SNTG1: variants seen among roughly 807,000 people sequenced by gnomAD.
SNTG1 encodes the protein syntrophin gamma 1, also known as gamma-1-syntrophin.
Under a neutral mutation model 74.7 loss-of-function variants are expected in SNTG1, and 39 were observed. The ratio of observed to expected loss-of-function variants is 0.52; its 90% CI spans 0.40 to 0.68. The LOEUF is 0.68. SNTG1 is among the 30% of genes least tolerant of loss of function. The probability of loss-of-function intolerance (pLI) is 0.00; values close to 1 mark genes in which losing one functional copy is unlikely to be tolerated. For missense variants in SNTG1, 685 were observed against 609.5 expected (o/e 1.12, Z -1.30); for synonymous variants, 254 against 217.1 (o/e 1.17, Z -1.49).
At chr8:50,092,597 C>G (rs2079780194) in intron 1 of SNTG1, among the ~76,000 whole-genome samples, 1 of 152,160 alleles carries the variant, frequency 6.6e-6, no homozygotes, top group Non-Finnish European at 1.5e-5. Context: ...TAGGACACTT[C>G]CACCCCATTT....
At chr8:50,138,123 A>G (rs1163950701) in intron 1 of SNTG1, among the ~76,000 whole-genome samples, 1 of 152,156 alleles carries the variant, frequency 6.6e-6, no homozygotes, top group Non-Finnish European at 1.5e-5. Flanking sequence ...TGACTTCATA[A>G]TAACCTTAAA....
At chr8:50,470,958 T>C (rs994791165) in intron 8 of SNTG1, among the ~76,000 whole-genome samples, 13 of 152,200 alleles carry the variant, frequency 8.5e-5, no homozygotes, top group African/African-American at 2.7e-4. Context: ...GATTGGTTCA[T>C]ATTTACAGAG....
chr8:49,919,702 G>T (rs1806360286), intron 1 of SNTG1, among the ~76,000 whole-genome samples: 1 of 151,966 alleles, frequency 6.6e-6, no homozygotes, highest in South Asian at 2.1e-4. Flanking sequence ...AATCATTGGG[G>T]ATAAAAAAAT....
intron 8 of SNTG1, among the ~76,000 whole-genome samples, chr8:50,474,159 G>T (rs569235950): frequency 1.1e-4 from 16 of 152,078 alleles, no homozygotes; most frequent in African/African-American, 3.9e-4. Flanking sequence ...CAGGACATAG[G>T]CATGGGCAAG....
intron 1 of SNTG1, among the ~76,000 whole-genome samples, chr8:49,939,372 A>C (rs746308556): frequency 1.2e-4 from 18 of 152,234 alleles, no homozygotes; most frequent in Non-Finnish European, 2.4e-4. Flanking sequence ...GCCAATAAAT[A>C]GTTTAATTGA....
intron 1 of SNTG1, among the ~76,000 whole-genome samples, chr8:49,937,406 G>A (rs779032491): frequency 1.3e-5 from 2 of 152,108 alleles, no homozygotes; most frequent in Non-Finnish European, 2.9e-5. Context: ...CAATGGTTTC[G>A]AACTATACAC....
intron 1 of SNTG1, among the ~76,000 whole-genome samples, chr8:50,077,748 A>G (rs993162478): frequency 5.3e-5 from 8 of 152,172 alleles, no homozygotes; most frequent in Non-Finnish European, 1.2e-4. Context: ...TGCTTCCAAC[A>G]CCAGTTATTT....
At chr8:50,422,798 CAG>C (rs2093110334) in intron 4 of SNTG1, among the ~76,000 whole-genome samples, 1 of 152,142 alleles carries the variant, frequency 6.6e-6, no homozygotes, top group South Asian at 2.1e-4. Flanking sequence ...GAATGGCTAG[CAG>C]TTGTGTATGT....
intron 1 of SNTG1, among the ~76,000 whole-genome samples, chr8:49,986,593 G>T (rs1010484895): frequency 2.0e-5 from 3 of 151,976 alleles, no homozygotes; most frequent in African/African-American, 7.2e-5. Context: ...AGTGGTTCAT[G>T]CCTGTAATGT....
At chr8:50,164,981 G>A (rs774643266) in intron 1 of SNTG1, among the ~76,000 whole-genome samples, 1 of 152,042 alleles carries the variant, frequency 6.6e-6, no homozygotes, top group Non-Finnish European at 1.5e-5. Flanking sequence ...CATAAATTAA[G>A]ACAATAGTGA....
chr8:50,140,199 TC>T, intron 1 of SNTG1, among the ~76,000 whole-genome samples: 1 of 152,268 alleles, frequency 6.6e-6, no homozygotes, highest in Non-Finnish European at 1.5e-5. Context: ...GAGACAGAAA[TC>T]TAACATTTAA....
At chr8:50,627,897 A>G (rs1292076471) in intron 13 of SNTG1, among the ~76,000 whole-genome samples, 3 of 152,116 alleles carry the variant, frequency 2.0e-5, no homozygotes, top group Non-Finnish European at 4.4e-5. Context: ...TCTTATGGAG[A>G]CTGCATTACA....
At chr8:50,269,023 A>G (rs1008484127) in intron 2 of SNTG1, among the ~76,000 whole-genome samples, 2 of 152,162 alleles carry the variant, frequency 1.3e-5, no homozygotes, top group South Asian at 4.1e-4. Flanking sequence ...TCACCAAATG[A>G]TATTTGAGCA....
chr8:50,777,375 C>T (rs957578920), intron 18 of SNTG1, among the ~76,000 whole-genome samples: 21 of 150,338 alleles, frequency 1.4e-4, no homozygotes, highest in African/African-American at 5.1e-4. Flanking sequence ...ACTGACTCTT[C>T]TGTTCTCTTC....
Position 50,463,257 on chromosome 8 carries a change from C to T in SNTG1, c.363+12528C>T, listed in dbSNP as rs2093582600. On this transcript the variant is annotated intron_variant, in intron 8 of 18. Coordinates refer to ENST00000642720, the MANE Select transcript of SNTG1 (RefSeq NM_018967.5). Reference sequence around the variant, plus strand: ...ACTCCTGTTAATGTTGATATTTTGGCCTCACCCATAAAACAGAAATGTTTT... The same window carrying T: ...ACTCCTGTTAATGTTGATATTTTGGTCTCACCCATAAAACAGAAATGTTTT... Among the ~76,000 whole-genome samples the T allele has an allele frequency of 2.0e-5, 3 of 152,094 alleles. No individual in the cohort carries two copies. In the South Asian group the frequency reaches 6.2e-4, roughly 32 times the overall value.
At chr8:50,499,567 G>A (rs1359272210) in intron 8 of SNTG1, among the ~76,000 whole-genome samples, 3 of 151,052 alleles carry the variant, frequency 2.0e-5, no homozygotes. Context: ...TGGAAATGTT[G>A]ACTAAAAGTA....
rs927727411 is a variant in SNTG1 at position 50,794,595 on chromosome 8, A to G, written c.*1766A>G. ...ATACAACAGTCATTGTAAAATTGAA[A>G]CCCACCAAAAGCAGCCTTCAGTAGT... On this transcript the variant is annotated 3_prime_UTR_variant, in exon 19 of 19. Transcript: ENST00000642720. 1 of 152,018 alleles carries G rather than the reference A, an allele frequency of 6.6e-6. No individual in the cohort carries two copies. Among genetic ancestry groups the G allele is most frequent in the Admixed American group, 6.6e-5 (1 of 15,224 alleles). The allele number at this position is 152,018 out of a possible 1,614,324, so 9.4% of individuals were successfully genotyped here.
intron 1 of SNTG1, among the ~76,000 whole-genome samples, chr8:50,060,038 T>C (rs1162823727): frequency 1.3e-5 from 2 of 152,084 alleles, no homozygotes; most frequent in Non-Finnish European, 2.9e-5. Context: ...ACAGATATCA[T>C]AGTGGGTGTG....
At chr8:50,433,409 T>G (rs1211059114) in intron 4 of SNTG1, among the ~76,000 whole-genome samples, 2 of 152,124 alleles carry the variant, frequency 1.3e-5, no homozygotes, top group Admixed American at 1.3e-4. Context: ...TATCCTGGCC[T>G]TATTCCCAAT....
Sources: allele counts gnomAD v4.1 joint callset (sites outside exome capture counted in the v4.1 genomes callset), GRCh38; gene constraint gnomAD v4.1.1; transcripts MANE v1.5; gene names NCBI Gene and HGNC (gene_info 2026-07-23, HGNC 2026-07-21).